Variants in NHSL1 observed in about 807,000 individuals in gnomAD.
The protein encoded by NHSL1 is NHS-like protein 1.
In NHSL1, 48 loss-of-function variants were observed where a neutral mutation model predicts 95.0. The observed-to-expected ratio is 0.51, with a 90% CI of 0.40 to 0.64. NHSL1 has a LOEUF of 0.64. Ranked by LOEUF, NHSL1 falls within the 30% of genes least tolerant of loss-of-function variation. The probability of loss-of-function intolerance (pLI) is 0.00; values close to 1 mark genes in which losing one functional copy is unlikely to be tolerated. For missense variants in NHSL1, 1,971 were observed against 2,077.7 expected (o/e 0.95, Z 1.00); for synonymous variants, 783 against 833.9 (o/e 0.94, Z 1.05).
At chr6:138,466,040 T>TGGGGG (rs1562298457) in intron 3 of NHSL1, among the ~76,000 whole-genome samples, 2 of 91,266 alleles carry the variant, frequency 2.2e-5, no homozygotes. Context: ...ACACTCCTTT[T>TGGGGG]TGGGGGGGGG....
intron 1 of NHSL1, among the ~76,000 whole-genome samples, chr6:138,638,628 T>C (rs888605194): frequency 1.3e-5 from 2 of 152,194 alleles, no homozygotes; most frequent in African/African-American, 4.8e-5. Context: ...AAACTTTCTA[T>C]TTAAATCTGT....
chr6:138,672,008 A>G (rs919818028), intron 1 of NHSL1, among the ~76,000 whole-genome samples: 1 of 152,228 alleles, frequency 6.6e-6, no homozygotes, highest in African/African-American at 2.4e-5. Context: ...ATAGATACCA[A>G]TACTTAAAAC....
chr6:138,466,275 T>C (rs1228340390), intron 3 of NHSL1, among the ~76,000 whole-genome samples: 1 of 149,016 alleles, frequency 6.7e-6, no homozygotes, highest in Non-Finnish European at 1.5e-5. Flanking sequence ...TCTCCTGACC[T>C]TGTGATCCAC....
intron 1 of NHSL1, among the ~76,000 whole-genome samples, chr6:138,624,284 C>T (rs1244196814): frequency 2.0e-5 from 3 of 152,022 alleles, no homozygotes; most frequent in South Asian, 2.1e-4. Context: ...CCTGAGCCTC[C>T]GCATTTCTAA....
intron 1 of NHSL1, among the ~76,000 whole-genome samples, chr6:138,622,240 T>C (rs1046755819): frequency 6.6e-6 from 1 of 151,974 alleles, no homozygotes; most frequent in African/African-American, 2.4e-5. Context: ...TGGTGGCTCA[T>C]GCCTGTAATC....
intron 1 of NHSL1, among the ~76,000 whole-genome samples, chr6:138,562,569 C>T (rs926148927): frequency 3.9e-5 from 6 of 151,914 alleles, no homozygotes; most frequent in African/African-American, 9.7e-5. Flanking sequence ...GGTGGAGGCA[C>T]GAGAATCGTT....
At chr6:138,545,478 A>G in intron 1 of NHSL1, 1 of 488,124 alleles carries the variant, frequency 2.0e-6, no homozygotes, top group Non-Finnish European at 3.4e-6. Context: ...AAAAAAGAAC[A>G]ATGACTTTTT....
intron 1 of NHSL1, chr6:138,650,100 C>A: frequency 1.9e-6 from 1 of 517,342 alleles, no homozygotes; most frequent in Non-Finnish European, 3.9e-6. Flanking sequence ...AACTGAAGCC[C>A]GGCTGGGCGG....
intron 1 of NHSL1, among the ~76,000 whole-genome samples, chr6:138,632,251 G>C (rs973097939): frequency 2.0e-5 from 3 of 152,160 alleles, no homozygotes; most frequent in Admixed American, 2.0e-4. Context: ...TCCAGTCCCT[G>C]ACTCCCAGAC....
At chr6:138,544,983 C>CTTTTTTTT (rs35979187) in intron 1 of NHSL1, among the ~76,000 whole-genome samples, 84 of 83,376 alleles carry the variant, frequency 1.0e-3, no homozygotes, top group Non-Finnish European at 1.2e-3. Context: ...TCTTTCTTTT[C>CTTTTTTTT]TTTTTTTTTT....
chr6:138,447,497 G>A (rs930950406), intron 3 of NHSL1, among the ~76,000 whole-genome samples: 8 of 152,146 alleles, frequency 5.3e-5, no homozygotes, highest in Non-Finnish European at 4.4e-5. Flanking sequence ...TGGAATGGCC[G>A]GCGTGGTGGC....
intron 2 of NHSL1, among the ~76,000 whole-genome samples, chr6:138,487,111 G>A (rs759924580): frequency 2.8e-4 from 42 of 151,278 alleles, no homozygotes; most frequent in Non-Finnish European, 5.1e-4. Context: ...ATCATTACAC[G>A]TGAAGGCACA....
intron 1 of NHSL1, among the ~76,000 whole-genome samples, chr6:138,593,789 A>T (rs1224568107): frequency 1.3e-5 from 2 of 152,214 alleles, no homozygotes; most frequent in African/African-American, 4.8e-5. Context: ...GGATAGAGTT[A>T]TGAATTAGTA....
intron 5 of NHSL1, among the ~76,000 whole-genome samples, chr6:138,440,873 T>C (rs937332881): frequency 2.0e-5 from 3 of 152,242 alleles, no homozygotes; most frequent in African/African-American, 7.2e-5. Context: ...TCTGAGTTTC[T>C]AGAGTGTAAC....
intron 3 of NHSL1, among the ~76,000 whole-genome samples, chr6:138,453,253 C>T (rs1465764378): frequency 6.6e-6 from 1 of 152,150 alleles, no homozygotes. Flanking sequence ...GGATTACAAG[C>T]GTGAGCCACC....
chr6:138,565,934 C>A (rs1783597389), intron 1 of NHSL1, among the ~76,000 whole-genome samples: 1 of 137,994 alleles, frequency 7.2e-6, no homozygotes, highest in African/African-American at 3.2e-5. Flanking sequence ...CAAAGCAAGA[C>A]CCTGTTTCTA....
At chr6:138,622,863 G>A (rs1254926969) in intron 1 of NHSL1, among the ~76,000 whole-genome samples, 1 of 152,196 alleles carries the variant, frequency 6.6e-6, no homozygotes, top group Non-Finnish European at 1.5e-5. Flanking sequence ...GTGTGGGAGA[G>A]GCACAGCACA....
intron 5 of NHSL1, among the ~76,000 whole-genome samples, chr6:138,440,835 A>G (rs963951385): frequency 5.3e-5 from 8 of 152,240 alleles, no homozygotes; most frequent in African/African-American, 1.9e-4. Flanking sequence ...TGACTAAAAG[A>G]CTAACTGCAA....
chr6:138,520,385 T>TTCAAGCAATTCTCCTGCCC (rs1781630133), intron 1 of NHSL1, among the ~76,000 whole-genome samples: 1 of 143,462 alleles, frequency 7.0e-6, no homozygotes, highest in Non-Finnish European at 1.5e-5. Flanking sequence ...GCCTCCCGGG[T>TTCAAGCAATTCTCCTGCCC]TCAAGCAATT....
Sources: gnomAD v4.1 joint callset for allele counts (sites outside exome capture counted in the v4.1 genomes callset) on GRCh38, gnomAD v4.1.1 for gene constraint, MANE v1.5 for transcripts, NCBI Gene and HGNC (gene_info 2026-07-23, HGNC 2026-07-21) for gene names.